The following IL1R1 variants were observed in gnomAD, a reference collection of about 807,000 sequenced individuals.
IL1R1 encodes interleukin 1 receptor type 1.
Under a neutral mutation model 50.2 loss-of-function variants are expected in IL1R1, and 22 were observed. The observed-to-expected ratio is 0.44, with a 90% CI of 0.31 to 0.63. The LOEUF is 0.63. Among genes scored for constraint, IL1R1 ranks in the 20% least tolerant of loss-of-function variants. The pLI is 0.07. For missense variants in IL1R1, 509 were observed against 676.2 expected (o/e 0.75, Z 2.74); for synonymous variants, 251 against 236.7 (o/e 1.06, Z -0.55).
chr2:102,123,085 A>G (rs947123482), intron 1 of IL1R1, among the ~76,000 whole-genome samples: 5 of 152,244 alleles, frequency 3.3e-5, no homozygotes, highest in African/African-American at 1.2e-4. Context: ...ACTGAAATAC[A>G]TAGAAATCAT....
intron 9 of IL1R1, among the ~76,000 whole-genome samples, chr2:102,173,425 A>G (rs1685855673): frequency 6.6e-6 from 1 of 152,248 alleles, no homozygotes. Flanking sequence ...GAAAGACTCT[A>G]TAAATTAACT....
chr2:102,122,636 C>A (rs1376573052), intron 1 of IL1R1, among the ~76,000 whole-genome samples: 2 of 152,126 alleles, frequency 1.3e-5, no homozygotes, highest in Non-Finnish European at 2.9e-5. Context: ...CTCGTGAAAC[C>A]CAAGAGCAAG....
At position 102,171,342 on chromosome 2, in the gene IL1R1, T is replaced by G. The variant is rs181902415; in HGVS notation, c.722-459T>G. On this transcript the variant is annotated intron_variant, in intron 7 of 11. Coordinates refer to ENST00000410023, the MANE Select transcript of IL1R1 (RefSeq NM_000877.4). ...AGGGGGTTAGCTTTTAAAATATGTT[T>G]CTTTAATTCAATCTTGCTTCTAGAT... Among the ~76,000 whole-genome samples, 505 of 152,320 alleles carry G rather than the reference T, an allele frequency of 3.3e-3. 3 individuals carry two copies. The highest frequency in any genetic ancestry group is 5.4e-3 in the Admixed American group (83 of 15,300).
chr2:102,165,524 A>C (rs1032398557), intron 5 of IL1R1, among the ~76,000 whole-genome samples: 6 of 152,238 alleles, frequency 3.9e-5, no homozygotes, highest in African/African-American at 1.4e-4. Flanking sequence ...ATTTAATAAG[A>C]TGTAATTGAG....
At chr2:102,080,183 T>G (rs1243255284) in intron 1 of IL1R1, among the ~76,000 whole-genome samples, 1 of 152,168 alleles carries the variant, frequency 6.6e-6, no homozygotes, top group African/African-American at 2.4e-5. Flanking sequence ...TGGGCAATGC[T>G]TCCTTAAGTA....
chr2:102,073,125 G>C (rs1678807903), intron 1 of IL1R1, among the ~76,000 whole-genome samples: 1 of 152,172 alleles, frequency 6.6e-6, no homozygotes, highest in Non-Finnish European at 1.5e-5. Flanking sequence ...GATTCCCAAG[G>C]CTCCACTTTG....
chr2:102,078,562 TCACACACACACACACACACA>T lies in IL1R1; in HGVS notation c.-84+8048_-84+8067del, dbSNP rs35407722. Among the ~76,000 whole-genome samples the T allele has an allele frequency of 8.8e-3, 921 of 104,122 alleles. 16 individuals carry two copies. The highest frequency in any genetic ancestry group is 0.029 in the African/African-American group (862 of 29,636). The allele number at this position is 104,122 out of a possible 152,430, so 68.3% of individuals were successfully genotyped here. A position where few individuals can be genotyped will look rare whatever the true frequency, so the allele number is the denominator to read the frequency against. On this transcript the variant is annotated intron_variant, in intron 1 of 11. Coordinates refer to the IL1R1 transcript ENST00000409929. ...ACACTGAATTAGCAGTCAAAAAACTTCACACACACACACACACACACACACACACACACACACAAGAAAAA... is the reference window on the plus strand; with the variant it reads ...ACACTGAATTAGCAGTCAAAAAACTTCACACACACACACACACAAGAAAAA...
chr2:102,121,090 C>A (rs1251212199), intron 1 of IL1R1, among the ~76,000 whole-genome samples: 1 of 152,124 alleles, frequency 6.6e-6, no homozygotes, highest in African/African-American at 2.4e-5. Flanking sequence ...GGAGCTGGCC[C>A]CCGGGAGATG....
rs3917242 is a variant in IL1R1 at position 102,157,808 on chromosome 2, T to C, written c.61+23T>C. ...CTGGTAAGTTAAGTATTTCTTTGTG[T>C]TCTTGTCTGCTAAGAAAATCTGTTA... is the stretch of plus-strand genomic sequence containing the variant. On this transcript the variant is annotated intron_variant, in intron 3 of 11. Transcript: ENST00000410023. The C allele has an allele frequency of 3.9e-3, 5,772 of 1,492,946 alleles. 185 individuals are homozygous for C. In the African/African-American group the frequency reaches 0.07, roughly 18 times the overall value. 92.5% of individuals were successfully genotyped at this position (1,492,946 alleles called of 1,614,324 possible).
At chr2:102,146,868 T>G (rs187997064) in intron 1 of IL1R1, among the ~76,000 whole-genome samples, 1 of 152,298 alleles carries the variant, frequency 6.6e-6, no homozygotes, top group Non-Finnish European at 1.5e-5. Context: ...AAATGCATCC[T>G]GATCACCCAG....
At chr2:102,121,244 C>T (rs181082351) in intron 1 of IL1R1, among the ~76,000 whole-genome samples, 13 of 152,284 alleles carry the variant, frequency 8.5e-5, no homozygotes, top group South Asian at 2.1e-4. Context: ...TGCAGATGTC[C>T]GCCCCCCAAC....
chr2:102,101,747 G>A (rs1328011451), upstream of IL1R1, among the ~76,000 whole-genome samples: 3 of 152,196 alleles, frequency 2.0e-5, no homozygotes, highest in African/African-American at 7.2e-5. Flanking sequence ...CCATGTTACT[G>A]ATAAAATTGT....
chr2:102,090,728 T>C (rs1018446829), intron 1 of IL1R1, among the ~76,000 whole-genome samples: 3 of 152,222 alleles, frequency 2.0e-5, no homozygotes, highest in Non-Finnish European at 4.4e-5. Flanking sequence ...CTGCATCTTC[T>C]TGAGGGTATT....
At chr2:102,103,350 G>A (rs1577847488), upstream of IL1R1, among the ~76,000 whole-genome samples, 1 of 152,040 alleles carries the variant, frequency 6.6e-6, no homozygotes, top group African/African-American at 2.4e-5. Context: ...AGGGGAAGGA[G>A]CAAAGAGGAG....
At chr2:102,147,104 G>GTGCTTTGTGTGTGGGGGTGAAGGGCCA (rs1683200306) in intron 1 of IL1R1, among the ~76,000 whole-genome samples, 4 of 152,208 alleles carry the variant, frequency 2.6e-5, no homozygotes, top group Non-Finnish European at 5.9e-5. Context: ...AGAAAGGTTG[G>GTGCTTTGTGTGTGGGGGTGAAGGGCCA]TGCTTTGTGT....
At chr2:102,111,429 T>C (rs981392165) in intron 1 of IL1R1, among the ~76,000 whole-genome samples, 2 of 152,220 alleles carry the variant, frequency 1.3e-5, no homozygotes, top group African/African-American at 2.4e-5. Flanking sequence ...AAAAATACGT[T>C]CTACGTCTCT....
chr2:102,130,934 A>G (rs1000278122), intron 1 of IL1R1, among the ~76,000 whole-genome samples: 1 of 152,224 alleles, frequency 6.6e-6, no homozygotes, highest in Non-Finnish European at 1.5e-5. Context: ...TGAGAGGCAG[A>G]AAACAAAGCC....
intron 1 of IL1R1, among the ~76,000 whole-genome samples, chr2:102,149,132 A>C (rs1683421532): frequency 6.6e-6 from 1 of 152,162 alleles, no homozygotes; most frequent in Non-Finnish European, 1.5e-5. Context: ...TTCAGGACTC[A>C]TTCATGGTCA....
At chr2:102,108,795 C>T (rs1292429754) in intron 1 of IL1R1, among the ~76,000 whole-genome samples, 1 of 151,868 alleles carries the variant, frequency 6.6e-6, no homozygotes, top group East Asian at 1.9e-4. Context: ...AAATGGAGAA[C>T]CCTGTCTTTA....
Sources: gnomAD v4.1 joint callset for allele counts (sites outside exome capture counted in the v4.1 genomes callset) on GRCh38, gnomAD v4.1.1 for gene constraint, MANE v1.5 for transcripts, NCBI Gene and HGNC (gene_info 2026-07-23, HGNC 2026-07-21) for gene names.